XNDC1N: variants seen among roughly 807,000 people sequenced by gnomAD.
XNDC1N encodes protein XNDC1N.
the XNDC1N span, among the ~76,000 whole-genome samples, chr11:71,899,218 C>A: frequency 6.6e-6 from 1 of 152,156 alleles, no homozygotes; most frequent in Non-Finnish European, 1.5e-5. Context: ...GGTTCCAGTC[C>A]TGTGGGCTCC....
the XNDC1N span, among the ~76,000 whole-genome samples, chr11:71,883,197 C>T: frequency 1.3e-5 from 2 of 151,760 alleles, no homozygotes; most frequent in African/African-American, 4.8e-5. Context: ...ATATACAATC[C>T]CTATCAAAAT....
the XNDC1N span, among the ~76,000 whole-genome samples, chr11:71,926,808 G>C: frequency 6.6e-6 from 1 of 151,946 alleles, no homozygotes; most frequent in Non-Finnish European, 1.5e-5. Context: ...GGCTGAGGCA[G>C]GAGAATCACT....
At chr11:71,903,758 TTC>T in the XNDC1N span, 1 of 364,556 alleles carries the variant, frequency 2.7e-6, no homozygotes, top group African/African-American at 2.1e-5. Context: ...TCTGGGAACC[TTC>T]TGTGACACCT....
At chr11:71,898,702 CA>C in the XNDC1N span, among the ~76,000 whole-genome samples, 19 of 152,102 alleles carry the variant, frequency 1.2e-4, no homozygotes, top group Non-Finnish European at 2.2e-4. Context: ...AGGTGGCCCC[CA>C]GGGGTGGGCG....
At chr11:71,885,380 G>T in the XNDC1N span, among the ~76,000 whole-genome samples, 1 of 152,034 alleles carries the variant, frequency 6.6e-6, no homozygotes, top group Non-Finnish European at 1.5e-5. Flanking sequence ...CAGCCCCTCC[G>T]CTTTGGAATG....
At chr11:71,902,641 C>T in the XNDC1N span, among the ~76,000 whole-genome samples, 1 of 152,242 alleles carries the variant, frequency 6.6e-6, no homozygotes, top group Admixed American at 6.5e-5. Context: ...TCACTAGGAC[C>T]TAACTGGCAT....
chr11:71,890,680 G>C, the XNDC1N span, among the ~76,000 whole-genome samples: 1 of 152,046 alleles, frequency 6.6e-6, no homozygotes, highest in Non-Finnish European at 1.5e-5. Context: ...ACAGGGGGTT[G>C]TGAACAACCC....
the XNDC1N span, among the ~76,000 whole-genome samples, chr11:71,882,791 G>T: frequency 5.9e-5 from 9 of 152,078 alleles, no homozygotes; most frequent in Admixed American, 2.6e-4. Flanking sequence ...AAACTGTTGG[G>T]GGGTGGGAAT....
At chr11:71,897,123 C>G in the XNDC1N span, among the ~76,000 whole-genome samples, 6 of 152,128 alleles carry the variant, frequency 3.9e-5, no homozygotes, top group Non-Finnish European at 8.8e-5. Context: ...AAGTATGACA[C>G]GCCTAAAAGA....
the XNDC1N span, among the ~76,000 whole-genome samples, chr11:71,913,411 A>G: frequency 6.6e-6 from 1 of 152,252 alleles, no homozygotes; most frequent in East Asian, 1.9e-4. Context: ...TGTAAATCCC[A>G]GCACTTTGGA....
the XNDC1N span, among the ~76,000 whole-genome samples, chr11:71,911,700 T>C: frequency 6.6e-6 from 1 of 152,140 alleles, no homozygotes; most frequent in African/African-American, 2.4e-5. Context: ...TATTGAACTC[T>C]GGGGGAAAAG....
At chr11:71,881,860 G>A in the XNDC1N span, among the ~76,000 whole-genome samples, 1 of 152,242 alleles carries the variant, frequency 6.6e-6, no homozygotes, top group East Asian at 1.9e-4. Context: ...TTTAATAAGT[G>A]TAGGCCAATT....
the XNDC1N span, chr11:71,919,111 C>G: frequency 7.4e-6 from 5 of 671,264 alleles, no homozygotes; most frequent in Admixed American, 2.1e-5. Context: ...CGCTAAAACC[C>G]CAAACCTTCC....
chr11:71,897,595 C>A, the XNDC1N span, among the ~76,000 whole-genome samples: 1 of 152,164 alleles, frequency 6.6e-6, no homozygotes, highest in South Asian at 2.1e-4. Flanking sequence ...AGTAGGAATG[C>A]TCGATTCTGA....
At chr11:71,901,663 G>A in the XNDC1N span, among the ~76,000 whole-genome samples, 1 of 151,916 alleles carries the variant, frequency 6.6e-6, no homozygotes, top group Non-Finnish European at 1.5e-5. Flanking sequence ...GGAAGACCAG[G>A]AAGTATAGTA....
chr11:71,919,074 GA>G, the XNDC1N span: 7 of 694,874 alleles, frequency 1.0e-5, no homozygotes, highest in Admixed American at 2.0e-5. Context: ...GCGCCCAAGG[GA>G]AAAAGGATGC....
At chr11:71,926,177 G>A in the XNDC1N span, 4 of 152,196 alleles carry the variant, frequency 2.6e-5, no homozygotes, top group Non-Finnish European at 5.9e-5. Context: ...GGCTGAGGCA[G>A]GAGGATTGCT....
At chr11:71,895,616 C>T in the XNDC1N span, among the ~76,000 whole-genome samples, 10 of 152,162 alleles carry the variant, frequency 6.6e-5, no homozygotes, top group Non-Finnish European at 8.8e-5. Context: ...CATGCGCGAC[C>T]GCGCCCAGCC....
At chr11:71,916,209 A>G in the XNDC1N span, 1 of 702,914 alleles carries the variant, frequency 1.4e-6, no homozygotes, top group South Asian at 1.5e-5. Flanking sequence ...AGGTCAGGCG[A>G]AGTCGATCCC....
Sources: allele counts gnomAD v4.1 joint callset (sites outside exome capture counted in the v4.1 genomes callset), GRCh38; gene constraint gnomAD v4.1.1; transcripts MANE v1.5; gene names NCBI Gene and HGNC (gene_info 2026-07-23, HGNC 2026-07-21).